The following SNAPC4 variants were observed in gnomAD, a reference collection of about 807,000 sequenced individuals.
The protein encoded by SNAPC4 is small nuclear RNA activating complex polypeptide 4, also known as snRNA-activating protein complex subunit 4.
SNAPC4 carries 127 observed loss-of-function variants against 151.3 expected under a neutral mutation model. That is an observed-to-expected ratio of 0.84 (90% confidence interval 0.73 to 0.97). SNAPC4 has a LOEUF of 0.97. Among genes scored for constraint, SNAPC4 ranks in the 50% least tolerant of loss-of-function variants. The probability of loss-of-function intolerance (pLI) is 0.00; values close to 1 mark genes in which losing one functional copy is unlikely to be tolerated. For synonymous variants in SNAPC4, 1,002 were observed against 824.4 expected (o/e 1.22, Z -3.69); for missense variants, 2,186 against 1,935.0 (o/e 1.13, Z -2.43).
rs1588756409 is a variant in SNAPC4 at position 136,388,563 on chromosome 9, T to G, written c.1004A>C (p.Gln335Pro). The G allele has an allele frequency of 6.2e-7, 1 of 1,613,992 alleles. No individual in the cohort carries two copies. ...GTSRSAFQCLQKFQQHNKALK... is the reference protein window; with the variant it reads ...GTSRSAFQCLPKFQQHNKALK... Reference sequence around the variant, plus strand: ...AGCTTTGTTGTGCTGCTGGAATTTCTGCAGGCACTGGAAGGCGCTGCGGCT... The same window carrying G: ...AGCTTTGTTGTGCTGCTGGAATTTCGGCAGGCACTGGAAGGCGCTGCGGCT... Residue 335 changes from glutamine (Q) to proline (P), a missense_variant, in exon 11 of 24, where the codon CAG becomes CCG. By Grantham distance (76) the Gln-to-Pro change is moderately conservative (BLOSUM62 -1). Transcript: ENST00000684778.
In SNAPC4 at chr9:136,376,448, A is replaced by T; in HGVS notation, c.4318T>A (p.Ser1440Thr). The T allele has an allele frequency of 6.2e-7, 1 of 1,613,414 alleles. No homozygotes were observed. The highest frequency in any genetic ancestry group is 1.3e-5 in the African/African-American group (1 of 75,052). Residue 1440 changes from serine (S) to threonine (T), a missense_variant, in exon 23 of 24, where the codon TCC becomes ACC. Physicochemically the swap from Ser to Thr is moderately conservative, Grantham distance 58 (BLOSUM62 1). Coordinates refer to ENST00000684778, the MANE Select transcript of SNAPC4 (RefSeq NM_003086.4). ...GGGTCATTAGAAGTATCCAGGCAGG[A>T]GGAAGCAGAGCATTTACCAGAGTCT... Reference protein sequence around the residue: ...APDSGKCSASSCLDTSNDPDD... With the variant: ...APDSGKCSASTCLDTSNDPDD...
chr9:136,387,969 A>G (rs1833946464), intron 11 of SNAPC4, 121 bp from the exon 12 acceptor site: 2 of 674,132 alleles, frequency 3.0e-6, no homozygotes, highest in Admixed American at 4.7e-5. Flanking sequence ...TGGGTCACAT[A>G]GAAAAGAATC....
At chr9:136,395,463 C>T (rs1316232288) in intron 4 of SNAPC4, 40 bp from the exon 5 acceptor site, 4 of 1,600,916 alleles carry the variant, frequency 2.5e-6, no homozygotes, top group African/African-American at 2.7e-5. Context: ...TATGGACCAG[C>T]AGCAATGACT....
At position 136,384,803 on chromosome 9, in the gene SNAPC4, C is replaced by T. The variant is rs752243167; in HGVS notation, c.1337G>A (p.Arg446Lys). 6.3e-7 allele frequency: 1 copy of T among 1,583,436 alleles called. No homozygotes were observed. Among genetic ancestry groups the T allele is most frequent in the Non-Finnish European group, 8.6e-7 (1 of 1,161,218 alleles). The change falls in exon 14 of 24, where the codon AGA becomes AAA. Residue 446 changes from arginine (R) to lysine (K), a missense_variant. Arg to Lys is a conservative substitution (Grantham distance 26, BLOSUM62 2). Coordinates refer to ENST00000684778, the MANE Select transcript of SNAPC4 (RefSeq NM_003086.4). ...ACCCTTTTTCAAGCTGAAATGTAAT[C>T]TCCTGAGATACCTGAACGTGACATG... ...DAQCRDRYLR[R>K]LHFSLKKGRW...
Position 136,378,465 on chromosome 9 carries a change from G to T in SNAPC4, c.3362C>A (p.Ala1121Glu), listed in dbSNP as rs745600294. 29 of 1,588,378 alleles carry T rather than the reference G, an allele frequency of 1.8e-5. No homozygotes were observed. The Middle Eastern group carries it at 8.5e-4, about 46-fold the overall frequency. The change falls in exon 22 of 24, where the codon GCG (alanine) becomes GAG (glutamate). Residue 1121 changes from alanine to glutamate, a missense_variant. Physicochemically the swap from Ala to Glu is moderately radical, Grantham distance 107 (BLOSUM62 -1). Coordinates refer to ENST00000684778, the MANE Select transcript of SNAPC4 (RefSeq NM_003086.4). ...TLLPPLTETR[A>E]AQGPRAPALS... The stretch of plus-strand genomic sequence containing the variant: ...CGCTGGGGCCCTGGGGCCCTGGGCC[G>T]CCCGAGTCTCAGTCAGGGGAGGCAG...
chr9:136,387,086 G>T (rs987385877), intron 13 of SNAPC4, among the ~76,000 whole-genome samples: 1 of 152,238 alleles, frequency 6.6e-6, no homozygotes, highest in Non-Finnish European at 1.5e-5. Context: ...CATGGTGTGT[G>T]AATTATCTCA....
chr9:136,396,957 C>T lies in SNAPC4; in HGVS notation c.177+20G>A, dbSNP rs1187899339. The T allele has an allele frequency of 1.2e-6, 2 of 1,610,790 alleles. No homozygotes were observed. The highest frequency in any genetic ancestry group is 2.2e-5 in the East Asian group (1 of 44,870). On this transcript the variant is annotated intron_variant, in intron 3 of 23. Coordinates refer to ENST00000684778, the MANE Select transcript of SNAPC4 (RefSeq NM_003086.4). ...GGCAGGCCTGACCCAGTGGCACAGCCAGATCAGGCCAACAGTTACCGAGAT... is the reference window on the plus strand; with the variant it reads ...GGCAGGCCTGACCCAGTGGCACAGCTAGATCAGGCCAACAGTTACCGAGAT...
chr9:136,393,755 G>A (rs949097560), intron 7 of SNAPC4, among the ~76,000 whole-genome samples: 12 of 152,352 alleles, frequency 7.9e-5, no homozygotes, highest in African/African-American at 2.4e-4. Context: ...CCGCCCGCCC[G>A]GCCATGGGGA....
chr9:136,376,488 G>C lies in SNAPC4; in HGVS notation c.4285-7C>G, dbSNP rs1374730932. On this transcript the variant is annotated splice_polypyrimidine_tract_variant and splice_region_variant and intron_variant, in intron 22 of 23. Transcript: ENST00000684778. ...TACCAGAGTCTGGGGCTCCCTGAAA[G>C]AAAATCCAGGCAGTGGGGACAAGAG... 6.2e-7 allele frequency: 1 copy of C among 1,612,894 alleles called. No homozygotes were observed. The highest frequency in any genetic ancestry group is 2.2e-5 in the East Asian group (1 of 44,870).
Position 136,382,973 on chromosome 9 carries a change from G to A in SNAPC4, c.1983+213C>T, listed in dbSNP as rs905173652. ...GCCTCCAGGTCCAAGTGCCCATTCA[G>A]CCATACCCCTGAAACAGTCAACAAG... On this transcript the variant is annotated intron_variant, in intron 16 of 23. Coordinates refer to ENST00000684778, the MANE Select transcript of SNAPC4 (RefSeq NM_003086.4). 3.9e-5 allele frequency among the ~76,000 whole-genome samples: 6 copies of A among 152,140 alleles called. 1 individual carries two copies. Among genetic ancestry groups the A allele is most frequent in the Admixed American group, 3.3e-4 (5 of 15,284 alleles).
chr9:136,380,580 G>A (rs11145797), intron 20 of SNAPC4, among the ~76,000 whole-genome samples, 160 bp downstream of exon 20: 22,559 of 152,180 alleles, frequency 0.15, 1,764 homozygotes, highest in East Asian at 0.26. Flanking sequence ...GACTTCCCCA[G>A]GGCCTCTCAA....
chr9:136,377,699 C>T lies in SNAPC4; in HGVS notation c.4128G>A (p.Ala1376=), dbSNP rs375742091. ...ARFLAAFTLP[A]LLATLAPQGV... is the part of the protein sequence containing the mutation. ...CTTGGGGGGCCAGGGTGGCCAGGAGCGCAGGGAGGGTGAAGGCTGCCAGGA... is the reference window on the plus strand; with the variant it reads ...CTTGGGGGGCCAGGGTGGCCAGGAGTGCAGGGAGGGTGAAGGCTGCCAGGA... Residue 1376 remains alanine (A), a synonymous_variant, in exon 22 of 24, where the codon GCG becomes GCA. Transcript: ENST00000684778. The T allele has an allele frequency of 1.9e-5, 30 of 1,608,660 alleles. No individual in the cohort carries two copies. The highest frequency in any genetic ancestry group is 1.2e-4 in the African/African-American group (9 of 74,850).
At position 136,381,893 on chromosome 9, in the gene SNAPC4, G is replaced by C. The variant is rs1426349692; in HGVS notation, c.2248C>G (p.Pro750Ala). 1.2e-6 allele frequency: 2 copies of C among 1,612,852 alleles called. No individual in the cohort carries two copies. The highest frequency in any genetic ancestry group is 3.3e-5 in the Admixed American group (2 of 59,994). Reference protein sequence around the residue: ...LNRRLLLAVTPWVGDVVVPCT... With the variant: ...LNRRLLLAVTAWVGDVVVPCT... The stretch of plus-strand genomic sequence containing the variant: ...GGCACGACAACGTCCCCTACCCAAG[G>C]GGTCACAGCCAGCAGCAGCCTGCGG... Residue 750 changes from proline to alanine, a missense_variant, in exon 18 of 24, where the codon CCT becomes GCT. Pro to Ala is a conservative substitution (Grantham distance 27). Coordinates refer to ENST00000684778, the MANE Select transcript of SNAPC4 (RefSeq NM_003086.4).
intron 6 of SNAPC4, 46 bp downstream of exon 6, chr9:136,394,754 G>A (rs753406813): frequency 1.3e-6 from 2 of 1,535,420 alleles, no homozygotes; most frequent in Admixed American, 1.7e-5. Flanking sequence ...GCCATGGGGA[G>A]GTGTCCCAAG....
At position 136,378,021 on chromosome 9, in the gene SNAPC4, A is replaced by G; in HGVS notation, c.3806T>C (p.Leu1269Pro). ...LPQPGPEKGA[L>P]DLGLLSQEGE... is the part of the protein sequence containing the mutation. ...CTCCTGGGACAGCAGGCCCAGGTCC[A>G]GGGCCCCCTTCTCAGGCCCAGGCTG... is the stretch of plus-strand genomic sequence containing the variant. Residue 1269 changes from leucine (L) to proline (P), a missense_variant, in exon 22 of 24, where the codon CTG becomes CCG. Coordinates refer to ENST00000684778, the MANE Select transcript of SNAPC4 (RefSeq NM_003086.4). 1 of 1,592,484 alleles carries G rather than the reference A, an allele frequency of 6.3e-7. No homozygotes were observed. Among genetic ancestry groups the G allele is most frequent in the Non-Finnish European group, 8.5e-7 (1 of 1,170,320 alleles).
In SNAPC4 at chr9:136,395,920, G is replaced by A. The variant is rs913011118; in HGVS notation, c.178-150C>T. 4 of 784,422 alleles carry A rather than the reference G, an allele frequency of 5.1e-6. No individual in the cohort carries two copies. In the African/African-American group the frequency reaches 5.2e-5, roughly 10 times the overall value. The allele number at this position is 784,422 out of a possible 1,614,324, so 48.6% of individuals were successfully genotyped here. On this transcript the variant is annotated intron_variant, in intron 3 of 23. Transcript: ENST00000684778. ...TGTGGAAGCAGGAAGTGACCCTGGT[G>A]GGCAGCGGGAGGGCGTCTGAGTTTG...
Position 136,391,990 on chromosome 9 carries a change from C to G in SNAPC4, c.927G>C (p.Ala309=), listed in dbSNP as rs200163513. 1.2e-6 allele frequency: 2 copies of G among 1,608,904 alleles called. No homozygotes were observed. Among genetic ancestry groups the G allele is most frequent in the East Asian group, 2.2e-5 (1 of 44,842 alleles). Residue 309 remains alanine, a synonymous_variant, in exon 10 of 24, where the codon GCG becomes GCC. Coordinates refer to ENST00000684778, the MANE Select transcript of SNAPC4 (RefSeq NM_003086.4). ...GCCACTCCAGGTGGCCGTGTGCAGC[C>G]GCGATCGCCTGCAGCCGCTCCTCCT... ...REEEERLQAI[A]AAHGHLEWQK...
At chr9:136,380,635 G>T in intron 20 of SNAPC4, 105 bp downstream of exon 20, 1 of 662,126 alleles carries the variant, frequency 1.5e-6, no homozygotes. Context: ...TCCCTGAGGG[G>T]CTGCGGTGGA....
chr9:136,389,785 G>A (rs1243472083), intron 10 of SNAPC4, among the ~76,000 whole-genome samples: 1 of 152,148 alleles, frequency 6.6e-6, no homozygotes, highest in South Asian at 2.1e-4. Context: ...GGCCCTGCTC[G>A]GGTAGCTGAG....
Sources: allele counts gnomAD v4.1 joint callset (sites outside exome capture counted in the v4.1 genomes callset), GRCh38; gene constraint gnomAD v4.1.1; transcripts MANE v1.5; gene names NCBI Gene and HGNC (gene_info 2026-07-23, HGNC 2026-07-21).